PPP1R7: variants seen among roughly 807,000 people sequenced by gnomAD.
PPP1R7 encodes protein phosphatase 1 regulatory subunit 22.
In PPP1R7, 18 loss-of-function variants were observed where a neutral mutation model predicts 45.2. The observed-to-expected ratio is 0.40, with a 90% CI of 0.28 to 0.59. PPP1R7 has a LOEUF of 0.59. PPP1R7 is among the 20% of genes least tolerant of loss of function. The pLI, the probability that PPP1R7 is intolerant of heterozygous loss-of-function variation, is 0.46. For synonymous variants in PPP1R7, 181 were observed against 183.4 expected (o/e 0.99, Z 0.11); for missense variants, 314 against 455.8 (o/e 0.69, Z 2.83).
At chr2:241,154,179 C>CAAAA (rs1167747738) in intron 2 of PPP1R7, among the ~76,000 whole-genome samples, 24 of 50,462 alleles carry the variant, frequency 4.8e-4, no homozygotes, top group African/African-American at 1.5e-3. Flanking sequence ...TACTCCTTCT[C>CAAAA]AAAAAAAAAA....
rs184181018 is a variant in PPP1R7 at position 241,166,182 on chromosome 2, A to G, written c.715-155A>G. On this transcript the variant is annotated intron_variant, in intron 7 of 9. Transcript: ENST00000234038. ...CTCCCAAAGTGCTGGGATTACAGGC[A>G]TGAGCCACCGCGCCCGGCCCCATTC... is the stretch of plus-strand genomic sequence containing the variant. 3.6e-3 allele frequency among the ~76,000 whole-genome samples: 549 copies of G among 150,730 alleles called. 1 individual carries two copies. The highest frequency in any genetic ancestry group is 0.013 in the African/African-American group (520 of 41,180).
chr2:241,160,018 T>G (rs1575388637), intron 5 of PPP1R7, among the ~76,000 whole-genome samples: 1 of 152,222 alleles, frequency 6.6e-6, no homozygotes, highest in East Asian at 1.9e-4. Context: ...GAGCCTGGTG[T>G]GAGGTCCTGT....
chr2:241,154,347 T>C (rs1462561467), intron 2 of PPP1R7, among the ~76,000 whole-genome samples: 1 of 152,122 alleles, frequency 6.6e-6, no homozygotes, highest in Non-Finnish European at 1.5e-5. Flanking sequence ...AAATTATTTC[T>C]GAGTCTTGCC....
chr2:241,152,755 A>G (rs2067354027), intron 1 of PPP1R7, among the ~76,000 whole-genome samples: 1 of 152,232 alleles, frequency 6.6e-6, no homozygotes, highest in Non-Finnish European at 1.5e-5. Flanking sequence ...GTCATGAGTA[A>G]AGTTATAAAA....
chr2:241,166,110 G>C (rs1291839638), intron 7 of PPP1R7, among the ~76,000 whole-genome samples: 1 of 141,246 alleles, frequency 7.1e-6, no homozygotes, highest in Non-Finnish European at 1.6e-5. Flanking sequence ...CACCACGTTA[G>C]CCAGGATGGT....
intron 2 of PPP1R7, 102 bp from the exon 3 acceptor site, chr2:241,157,705 C>A: frequency 1.7e-6 from 2 of 1,154,782 alleles, no homozygotes; most frequent in Non-Finnish European, 2.5e-6. Context: ...TTTGAGCTGG[C>A]TCTGGGCACC....
At chr2:241,159,076 C>T (rs755136496) in intron 4 of PPP1R7, 137 bp from the exon 5 acceptor site, 6 of 1,129,204 alleles carry the variant, frequency 5.3e-6, no homozygotes, top group Non-Finnish European at 7.6e-6. Flanking sequence ...AAGGTCAGCA[C>T]CTTTCTAGGA....
chr2:241,153,657 T>A, intron 2 of PPP1R7, 53 bp downstream of exon 2: 1 of 1,596,550 alleles, frequency 6.3e-7, no homozygotes, highest in Non-Finnish European at 8.5e-7. Context: ...ATGTGGGCTG[T>A]GCTGCACGTG....
intron 9 of PPP1R7, among the ~76,000 whole-genome samples, chr2:241,174,074 A>G (rs1574728183): frequency 6.6e-6 from 1 of 152,230 alleles, no homozygotes; most frequent in Non-Finnish European, 1.5e-5. Flanking sequence ...CCTTCAAAAC[A>G]TACTGAACTT....
intron 2 of PPP1R7, among the ~76,000 whole-genome samples, chr2:241,154,519 C>T (rs1227026596): frequency 6.6e-6 from 1 of 152,000 alleles, no homozygotes; most frequent in Non-Finnish European, 1.5e-5. Flanking sequence ...GAAACCCTGT[C>T]TCTACTAAAA....
At chr2:241,162,100 A>G (rs1482819310) in intron 6 of PPP1R7, among the ~76,000 whole-genome samples, 2 of 152,238 alleles carry the variant, frequency 1.3e-5, no homozygotes, top group Non-Finnish European at 2.9e-5. Flanking sequence ...GGCCACAAAT[A>G]GCAAAGCAGC....
At chr2:241,161,553 C>T (rs2067591470) in intron 6 of PPP1R7, among the ~76,000 whole-genome samples, 1 of 152,240 alleles carries the variant, frequency 6.6e-6, no homozygotes, top group Non-Finnish European at 1.5e-5. Context: ...CAGCTTTATA[C>T]TCCTGGACAC....
At chr2:241,163,478 T>C in intron 7 of PPP1R7, 77 bp downstream of exon 7, 1 of 992,906 alleles carries the variant, frequency 1.0e-6, no homozygotes, top group East Asian at 2.4e-5. Context: ...TTAGTTTTTA[T>C]CCTTCACTGC....
At position 241,182,676 on chromosome 2, in the gene PPP1R7, C is replaced by T. The variant is rs762315535; in HGVS notation, c.936C>T (p.Ser312=). Residue 312 remains serine, a synonymous_variant, in exon 10 of 10, where the codon AGC becomes AGT. Coordinates refer to ENST00000234038, the MANE Select transcript of PPP1R7 (RefSeq NM_002712.3). ...ACGACAATCTCCTTGAGAGCTGGAG[C>T]GACCTCGACGAGCTGAAGGGAGCCA... ...WMNDNLLESW[S]DLDELKGARS... The T allele has an allele frequency of 1.9e-5, 30 of 1,614,012 alleles. No individual in the cohort carries two copies. The highest frequency in any genetic ancestry group is 1.6e-4 in the Middle Eastern group (1 of 6,082).
rs745517364 is a variant in PPP1R7, at chr2:241,160,354, C to T, written c.457C>T (p.Leu153=). The change falls in exon 6 of 10, where the codon CTG becomes TTG. Residue 153 remains leucine, a synonymous_variant. Transcript: ENST00000234038. The part of the protein sequence containing the change: ...ELEILDISFN[L]LRNIEGVDKL... The stretch of plus-strand genomic sequence containing the variant: ...CAGGATTCTAGATATTTCTTTTAAT[C>T]TGCTGAGAAACATCGAAGGGGTTGA... 5.6e-6 allele frequency: 9 copies of T among 1,600,334 alleles called. No individual in the cohort carries two copies. The East Asian group carries it at 2.0e-4, about 36-fold the overall frequency.
chr2:241,160,510 C>T lies in PPP1R7; in HGVS notation c.597+16C>T, dbSNP rs1575389376. The T allele has an allele frequency of 1.9e-6, 3 of 1,577,824 alleles. No homozygotes were observed. Among genetic ancestry groups the T allele is most frequent in the East Asian group, 2.3e-5 (1 of 43,782 alleles). On this transcript the variant is annotated intron_variant, in intron 6 of 9. Transcript: ENST00000234038. ...CCGCATCCGGGTAGGTGCAGACAGC[C>T]CTGACTAGTATATTCAGGGAGAGGC...
intron 2 of PPP1R7, among the ~76,000 whole-genome samples, chr2:241,157,123 G>GGAGGGAGAGA (rs2067478475): frequency 6.6e-6 from 1 of 152,198 alleles, no homozygotes; most frequent in Non-Finnish European, 1.5e-5. Context: ...TGCCGGCTCC[G>GGAGGGAGAGA]GGGTAGAGAG....
rs34160562 is a variant in PPP1R7, at chr2:241,159,277, G to A, written c.368G>A (p.Arg123Gln). 327 of 1,613,804 alleles carry A rather than the reference G, an allele frequency of 2.0e-4. No homozygotes were observed. In the African/African-American group the frequency reaches 4.1e-3, roughly 20 times the overall value. The part of the protein sequence containing the change: ...IENLEELQSL[R>Q]ELDLYDNQIK... The stretch of plus-strand genomic sequence containing the variant: ...AATCTGGAGGAGCTACAGAGTCTTC[G>A]AGAGCTGGATCTTTACGACAACCAG... The change falls in exon 5 of 10, where the codon CGA becomes CAA. Residue 123 changes from arginine to glutamine, a missense_variant. Physicochemically the swap from Arg to Gln is conservative, Grantham distance 43 (BLOSUM62 1). Around this residue, in one of 3 missense-constraint regions of PPP1R7, gnomAD observed 112 missense variants for 144.5 expected, o/e 0.78. Transcript: ENST00000234038.
chr2:241,176,856 G>A (rs1285829036), intron 9 of PPP1R7, among the ~76,000 whole-genome samples: 2 of 152,224 alleles, frequency 1.3e-5, no homozygotes, highest in Admixed American at 6.5e-5. Flanking sequence ...CAACCAGCCT[G>A]TGATGGCAGC....
Sources: allele counts gnomAD v4.1 joint callset (sites outside exome capture counted in the v4.1 genomes callset), GRCh38; gene constraint gnomAD v4.1.1; regional missense constraint gnomAD v4.1.1; transcripts MANE v1.5; gene names NCBI Gene and HGNC (gene_info 2026-07-23, HGNC 2026-07-21).